The following CREBBP variants were observed in gnomAD, a reference collection of about 807,000 sequenced individuals.
CREBBP encodes the protein CREB-binding protein.
A neutral mutation model predicts 265.0 loss-of-function variants in CREBBP; 19 were observed. The ratio of observed to expected loss-of-function variants is 0.07; its 90% CI spans 0.05 to 0.11. The LOEUF is 0.11. CREBBP is among the 10% of genes least tolerant of loss of function. The pLI is 1.00. For synonymous variants in CREBBP, 1,457 were observed against 1,223.7 expected, an observed-to-expected ratio of 1.19 and a Z score of -3.98; for missense variants, 2,525 against 3,219.0, an observed-to-expected ratio of 0.78 and a Z score of 5.22.
rs2051735598 is a variant in CREBBP at position 3,726,106 on chromosome 16, G to T, written c.*1612C>A. On this transcript the variant is annotated 3_prime_UTR_variant, in exon 31 of 31. Coordinates refer to ENST00000262367, the MANE Select transcript of CREBBP (RefSeq NM_004380.3). ...ACAGGGACCGGAGCTGGTGCTCCAA[G>T]GTGTCTGTCCCTCAGCATTTCCTCA... The T allele has an allele frequency of 4.3e-6, 1 of 233,324 alleles. No homozygotes were observed. The highest frequency in any genetic ancestry group is 8.5e-6 in the Non-Finnish European group (1 of 118,062). 14.5% of individuals were successfully genotyped at this position (233,324 alleles called of 1,614,324 possible).
At chr16:3,814,925 G>A (rs1024968058) in intron 2 of CREBBP, among the ~76,000 whole-genome samples, 3 of 152,220 alleles carry the variant, frequency 2.0e-5, no homozygotes, top group Non-Finnish European at 4.4e-5. Context: ...AGGCTAAAGA[G>A]GTCAGCTCTC....
Position 3,731,651 on chromosome 16 carries a change from A to T in CREBBP, c.4890+125T>A, listed in dbSNP as rs2051919480. The T allele has an allele frequency of 6.8e-7, 1 of 1,464,388 alleles. No homozygotes were observed. The highest frequency in any genetic ancestry group is 9.5e-7 in the Non-Finnish European group (1 of 1,050,050). The allele number at this position is 1,464,388 out of a possible 1,614,324, so 90.7% of individuals were successfully genotyped here. A position where few individuals can be genotyped will look rare whatever the true frequency, so the allele number is the denominator to read the frequency against. ...TTGCATGATGTCACCCAACTGGTCC[A>T]CTTGGTTTCCTGGGGGCCACTTCCC... On this transcript the variant is annotated intron_variant, in intron 29 of 30. Coordinates refer to ENST00000262367, the MANE Select transcript of CREBBP (RefSeq NM_004380.3). The surrounding 1 kb of genome is among the most constrained non-coding windows in gnomAD (Gnocchi z 7.7).
chr16:3,735,082 A>G (rs1051200366), intron 28 of CREBBP, among the ~76,000 whole-genome samples: 1 of 152,104 alleles, frequency 6.6e-6, no homozygotes, highest in African/African-American at 2.4e-5. Flanking sequence ...TTCCCCAGAC[A>G]GCCGCACAAA....
At chr16:3,754,872 G>C (rs548055897) in intron 19 of CREBBP, among the ~76,000 whole-genome samples, 40 of 152,132 alleles carry the variant, frequency 2.6e-4, no homozygotes, top group Admixed American at 6.6e-4. Context: ...TTATTCATAA[G>C]AACACTGCAG....
intron 1 of CREBBP, among the ~76,000 whole-genome samples, chr16:3,865,326 C>T (rs531825235): frequency 1.3e-5 from 2 of 152,148 alleles, no homozygotes; most frequent in African/African-American, 4.8e-5. Flanking sequence ...TAAATGTCCA[C>T]CAGTGGGGAG....
At chr16:3,815,421 T>C (rs1365148781) in intron 2 of CREBBP, among the ~76,000 whole-genome samples, 2 of 146,636 alleles carry the variant, frequency 1.4e-5, no homozygotes, top group Non-Finnish European at 3.0e-5. Context: ...GTGCGTATAA[T>C]CCCACGATGA....
intron 1 of CREBBP, among the ~76,000 whole-genome samples, chr16:3,858,558 A>G (rs2055009721): frequency 6.6e-6 from 1 of 152,234 alleles, no homozygotes; most frequent in Admixed American, 6.5e-5. Context: ...CTCAGTGCCT[A>G]GCATAAAATG....
At chr16:3,822,613 C>T (rs2054162424) in intron 2 of CREBBP, among the ~76,000 whole-genome samples, 1 of 152,168 alleles carries the variant, frequency 6.6e-6, no homozygotes, top group African/African-American at 2.4e-5. Flanking sequence ...TCTCCTGGAC[C>T]TCAGTGGCAA....
At chr16:3,840,051 T>G (rs1243965406) in intron 2 of CREBBP, among the ~76,000 whole-genome samples, 1 of 152,188 alleles carries the variant, frequency 6.6e-6, no homozygotes, top group African/African-American at 2.4e-5. Context: ...ACAGGAATTA[T>G]ATACATCCCA....
At chr16:3,804,984 C>G (rs941766872) in intron 3 of CREBBP, among the ~76,000 whole-genome samples, 6 of 152,204 alleles carry the variant, frequency 3.9e-5, no homozygotes, top group Non-Finnish European at 7.3e-5. Flanking sequence ...CCCCTAATAC[C>G]AAAGGACTCG....
intron 19 of CREBBP, among the ~76,000 whole-genome samples, chr16:3,756,508 C>G (rs931892974): frequency 2.6e-5 from 4 of 152,188 alleles, no homozygotes; most frequent in African/African-American, 7.2e-5. Flanking sequence ...CTTCATATTC[C>G]AAAAGAATGG....
chr16:3,742,568 C>CGTA (rs1461772853), intron 23 of CREBBP: 1 of 152,110 alleles, frequency 6.6e-6, no homozygotes, highest in Non-Finnish European at 1.5e-5. Context: ...GAAGGCTTTT[C>CGTA]ATAACTCAAC....
intron 5 of CREBBP, among the ~76,000 whole-genome samples, chr16:3,783,496 G>A (rs1366611595): frequency 1.3e-5 from 2 of 152,216 alleles, no homozygotes; most frequent in African/African-American, 2.4e-5. Context: ...CACAAACAAT[G>A]ACAGCATGGA....
rs1384480930 is a variant in CREBBP, at chr16:3,880,210, G to A, written c.-294C>T. ...CCTCCCGAGCGCGACACTCCGCGGT[G>A]GGGGCGCCCCGGCGGCCCGGCCGCC... On this transcript the variant is annotated 5_prime_UTR_variant, in exon 1 of 31. Coordinates refer to ENST00000262367, the MANE Select transcript of CREBBP (RefSeq NM_004380.3). The A allele has an allele frequency of 7.3e-6, 1 of 137,342 alleles. No homozygotes were observed. The highest frequency in any genetic ancestry group is 1.6e-5 in the Non-Finnish European group (1 of 62,404). The allele number at this position is 137,342 out of a possible 1,614,324, so 8.5% of individuals were successfully genotyped here.
chr16:3,745,602 A>G (rs1038868975), intron 21 of CREBBP: 1 of 538,896 alleles, frequency 1.9e-6, no homozygotes, highest in African/African-American at 1.9e-5. Flanking sequence ...CTCCCTTTGC[A>G]ACCAGAAAGG....
At chr16:3,774,511 G>C in intron 12 of CREBBP, 58 bp downstream of exon 12, 4 of 1,610,008 alleles carry the variant, frequency 2.5e-6, no homozygotes, top group African/African-American at 1.3e-5. Context: ...CTGCTGCTTA[G>C]ATAATGTTCC....
At chr16:3,837,023 G>A (rs1247325731) in intron 2 of CREBBP, among the ~76,000 whole-genome samples, 1 of 152,122 alleles carries the variant, frequency 6.6e-6, no homozygotes, top group African/African-American at 2.4e-5. Context: ...TATGTTACTG[G>A]TTTATGTATT....
chr16:3,850,217 C>T (rs972290635), intron 2 of CREBBP, 80 bp downstream of exon 2: 7 of 1,436,766 alleles, frequency 4.9e-6, no homozygotes, highest in East Asian at 2.3e-5. Context: ...GAGTGGGCCA[C>T]GTGGTCCCAT....
rs2151317217 is a variant in CREBBP, at chr16:3,731,409, G to C, written c.4955C>G (p.Pro1652Arg). Residue 1652 changes from proline (P) to arginine (R), a missense_variant, in exon 30 of 31, where the codon CCC becomes CGC. Coordinates refer to ENST00000262367, the MANE Select transcript of CREBBP (RefSeq NM_004380.3). This position sits in a 1 kb window ranked among gnomAD's most constrained non-coding sequence, Gnocchi z 7.7. ...GAGGTCACAGCTGAGCAGGGGGTCGGGGTCGACGATGGGGGGCAGGGTGTT... is the reference window on the plus strand; with the variant it reads ...GAGGTCACAGCTGAGCAGGGGGTCGCGGTCGACGATGGGGGGCAGGGTGTT... ...VINTLPPIVD[P>R]DPLLSCDLMD... 1 of 1,607,976 alleles carries C rather than the reference G, an allele frequency of 6.2e-7. No homozygotes were observed. The highest frequency in any genetic ancestry group is 8.5e-7 in the Non-Finnish European group (1 of 1,177,624).
Sources: gnomAD v4.1 joint callset for allele counts (sites outside exome capture counted in the v4.1 genomes callset) on GRCh38, gnomAD v4.1.1 for gene constraint, Gnocchi (gnomAD v3.1) non-coding constraint, MANE v1.5 for transcripts, NCBI Gene and HGNC (gene_info 2026-07-23, HGNC 2026-07-21) for gene names.